Variants in ADGRL3 observed in about 807,000 individuals in gnomAD.
The protein encoded by ADGRL3 is calcium-independent alpha-latrotoxin receptor 3.
A neutral mutation model predicts 153.5 loss-of-function variants in ADGRL3; 62 were observed. The ratio of observed to expected loss-of-function variants is 0.40; its 90% CI spans 0.33 to 0.50. The LOEUF (loss-of-function observed/expected upper bound fraction) is 0.50. ADGRL3 is among the 20% of genes least tolerant of loss of function. The pLI is 0.47. For synonymous variants in ADGRL3, 710 were observed against 672.5 expected (o/e 1.06, Z -0.86); for missense variants, 1,641 against 1,859.4 (o/e 0.88, Z 2.16).
chr4:61,259,719 CT>C (rs1283248492), intron 1 of ADGRL3, among the ~76,000 whole-genome samples: 3 of 152,022 alleles, frequency 2.0e-5, no homozygotes, highest in Non-Finnish European at 4.4e-5. Flanking sequence ...TTTTTTACAT[CT>C]TTTTTTCTGT....
intron 4 of ADGRL3, among the ~76,000 whole-genome samples, chr4:61,560,957 G>C (rs1267270398): frequency 1.3e-5 from 2 of 152,004 alleles, no homozygotes. Context: ...ACTTGAAAAA[G>C]ATATATAGAT....
chr4:61,368,654 A>G (rs896327792), intron 1 of ADGRL3, among the ~76,000 whole-genome samples: 18 of 152,168 alleles, frequency 1.2e-4, no homozygotes, highest in Non-Finnish European at 2.1e-4. Context: ...GTTTGAAGTC[A>G]GGTAGTGTGA....
intron 9 of ADGRL3, among the ~76,000 whole-genome samples, chr4:61,852,297 T>C (rs147732793): frequency 9.7e-6 from 1 of 103,008 alleles, no homozygotes; most frequent in South Asian, 2.4e-4. Context: ...AATTTTATTT[T>C]ATTTTATTTT....
chr4:61,816,025 T>G (rs528313101), intron 9 of ADGRL3, among the ~76,000 whole-genome samples: 1 of 152,278 alleles, frequency 6.6e-6, no homozygotes, highest in Non-Finnish European at 1.5e-5. Context: ...TCATGAGAAA[T>G]AAATATGAAT....
Position 61,780,989 on chromosome 4 carries a change from G to C in ADGRL3, c.1400-32820G>C, listed in dbSNP as rs1029017304. On this transcript the variant is annotated intron_variant, in intron 8 of 26. Transcript: ENST00000683033. ...TTAAATATTCTAATATGGTTAAAAG[G>C]GACTCTAAAAACATATCTTTTTAAT... Among the ~76,000 whole-genome samples the C allele has an allele frequency of 8.6e-5, 13 of 152,020 alleles. 1 individual carries two copies. Among genetic ancestry groups the C allele is most frequent in the African/African-American group, 3.1e-4 (13 of 41,398 alleles).
At chr4:61,712,408 A>G (rs1305217858) in intron 6 of ADGRL3, among the ~76,000 whole-genome samples, 2 of 150,882 alleles carry the variant, frequency 1.3e-5, no homozygotes, top group Non-Finnish European at 3.0e-5. Flanking sequence ...CCAAAAAAAG[A>G]AAAAAAAAGG....
At chr4:61,749,099 A>G (rs941509201) in intron 8 of ADGRL3, among the ~76,000 whole-genome samples, 3 of 152,234 alleles carry the variant, frequency 2.0e-5, no homozygotes, top group South Asian at 2.1e-4. Context: ...GCCAAAAAAC[A>G]CATGAAAAAA....
At chr4:61,641,741 A>G (rs2093684923) in intron 5 of ADGRL3, among the ~76,000 whole-genome samples, 2 of 151,774 alleles carry the variant, frequency 1.3e-5, no homozygotes, top group Non-Finnish European at 2.9e-5. Flanking sequence ...ATGCCACAAT[A>G]AACATACGTG....
Position 61,308,133 on chromosome 4 carries a change from G to A in ADGRL3, c.-239-74991G>A, listed in dbSNP as rs6811454. On this transcript the variant is annotated intron_variant, in intron 1 of 26. Transcript: ENST00000683033. ...TATGAGCATGCAGACCTATGAGAAAGGGAAAGGACCCAGAGAAGGGCCTCA... is the reference window on the plus strand; with the variant it reads ...TATGAGCATGCAGACCTATGAGAAAAGGAAAGGACCCAGAGAAGGGCCTCA... 4.0e-3 allele frequency among the ~76,000 whole-genome samples: 606 copies of A among 152,244 alleles called. 2 individuals are homozygous for A. The highest frequency in any genetic ancestry group is 0.014 in the African/African-American group (572 of 41,530).
intron 5 of ADGRL3, among the ~76,000 whole-genome samples, chr4:61,600,116 T>C (rs535237129): frequency 6.6e-6 from 1 of 152,138 alleles, no homozygotes; most frequent in African/African-American, 2.4e-5. Flanking sequence ...GAGACCATCC[T>C]GGCCAACATG....
At chr4:61,855,249 G>C (rs1274155094) in intron 9 of ADGRL3, among the ~76,000 whole-genome samples, 1 of 152,158 alleles carries the variant, frequency 6.6e-6, no homozygotes, top group Non-Finnish European at 1.5e-5. Context: ...GTGTTTGCAA[G>C]TTTTGTGTAA....
At chr4:61,722,602 T>C (rs1347299848) in intron 6 of ADGRL3, among the ~76,000 whole-genome samples, 1 of 152,176 alleles carries the variant, frequency 6.6e-6, no homozygotes, top group Non-Finnish European at 1.5e-5. Context: ...ATATGATTTC[T>C]AGAACTGAAA....
At chr4:61,394,388 G>A (rs775874946) in intron 2 of ADGRL3, among the ~76,000 whole-genome samples, 4 of 151,934 alleles carry the variant, frequency 2.6e-5, no homozygotes, top group Admixed American at 6.6e-5. Context: ...TGGCTGGATC[G>A]GATAGCTACA....
chr4:61,484,873 T>C (rs2098171964), intron 2 of ADGRL3, among the ~76,000 whole-genome samples: 1 of 150,756 alleles, frequency 6.6e-6, no homozygotes. Context: ...ATTTGGTAGG[T>C]ACGTATAAAT....
intron 1 of ADGRL3, among the ~76,000 whole-genome samples, chr4:61,206,776 G>C (rs1033406500): frequency 1.3e-5 from 2 of 152,072 alleles, no homozygotes; most frequent in African/African-American, 4.8e-5. Context: ...GAAGTAAGGA[G>C]TTTGAGACCA....
intron 17 of ADGRL3, among the ~76,000 whole-genome samples, chr4:61,977,678 G>A (rs1253214112): frequency 6.6e-6 from 1 of 152,098 alleles, no homozygotes; most frequent in Non-Finnish European, 1.5e-5. Flanking sequence ...TTACAGCATG[G>A]TGGCTTACTT....
chr4:61,347,164 C>A (rs2095934692), intron 1 of ADGRL3, among the ~76,000 whole-genome samples: 1 of 152,020 alleles, frequency 6.6e-6, no homozygotes, highest in Non-Finnish European at 1.5e-5. Context: ...GTGAAACTTA[C>A]CCTAGATTTG....
chr4:61,761,349 A>G (rs951308431), intron 8 of ADGRL3, among the ~76,000 whole-genome samples: 8 of 152,218 alleles, frequency 5.3e-5, no homozygotes, highest in Admixed American at 1.3e-4. Context: ...AGTTCAGCCT[A>G]TGCCCAGGAA....
intron 8 of ADGRL3, among the ~76,000 whole-genome samples, chr4:61,811,280 T>G (rs530946689): frequency 3.6e-4 from 55 of 152,298 alleles, no homozygotes; most frequent in African/African-American, 1.3e-3. Context: ...GTCTATGCAA[T>G]AGACTATTAT....
Sources: allele counts gnomAD v4.1 joint callset (sites outside exome capture counted in the v4.1 genomes callset), GRCh38; gene constraint gnomAD v4.1.1; transcripts MANE v1.5; gene names NCBI Gene and HGNC (gene_info 2026-07-23, HGNC 2026-07-21).